Variants in RYK observed in about 807,000 individuals in gnomAD.
RYK encodes receptor like tyrosine kinase.
Under a neutral mutation model 70.2 loss-of-function variants are expected in RYK, and 21 were observed. The observed-to-expected ratio is 0.30, with a 90% CI of 0.21 to 0.43. The LOEUF is 0.43. Among genes scored for constraint, RYK ranks in the 20% least tolerant of loss-of-function variants. The pLI, the probability that RYK is intolerant of heterozygous loss-of-function variation, is 1.00. For missense variants in RYK, 604 were observed against 753.3 expected (o/e 0.80, Z 2.32); for synonymous variants, 267 against 278.0 (o/e 0.96, Z 0.39).
At chr3:134,231,296 G>A (rs1036767836) in intron 1 of RYK, among the ~76,000 whole-genome samples, 1 of 151,740 alleles carries the variant, frequency 6.6e-6, no homozygotes, top group African/African-American at 2.4e-5. Flanking sequence ...TATCTTATCT[G>A]TCAAGGAGAC....
intron 5 of RYK, among the ~76,000 whole-genome samples, chr3:134,205,447 T>G (rs2014186616): frequency 6.6e-6 from 1 of 152,192 alleles, no homozygotes; most frequent in Admixed American, 6.5e-5. Context: ...ATGACTTTCA[T>G]CAAGAATTAC....
chr3:134,163,255 A>G (rs2012539313), intron 13 of RYK, among the ~76,000 whole-genome samples: 1 of 152,244 alleles, frequency 6.6e-6, no homozygotes, highest in Non-Finnish European at 1.5e-5. Context: ...CCTTAAAAAA[A>G]TAATCAAGAC....
chr3:134,195,086 G>A lies in RYK; in HGVS notation c.885C>T (p.Ile295=), dbSNP rs2013770170. The A allele has an allele frequency of 6.2e-7, 1 of 1,603,274 alleles. No individual in the cohort carries two copies. Among genetic ancestry groups the A allele is most frequent in the Non-Finnish European group, 8.5e-7 (1 of 1,170,332 alleles). Residue 295 remains isoleucine, a synonymous_variant, in exon 7 of 15, where the codon ATC becomes ATT. Coordinates refer to ENST00000623711, the MANE Select transcript of RYK (RefSeq NM_002958.4). ...TAGAATTAAATTAACTCTTACTGGTGATAGGAGTTGCATTGTTGGGCGTGT... is the reference window on the plus strand; with the variant it reads ...TAGAATTAAATTAACTCTTACTGGTAATAGGAGTTGCATTGTTGGGCGTGT... ...RADTPNNATP[I]TSYPTLRIEK...
At chr3:134,249,806 T>C (rs1406195747) in intron 1 of RYK, among the ~76,000 whole-genome samples, 1 of 151,962 alleles carries the variant, frequency 6.6e-6, no homozygotes, top group Non-Finnish European at 1.5e-5. Context: ...TGGCGATTCA[T>C]TCACTAAAAA....
At chr3:134,175,574 C>A in intron 13 of RYK, 35 bp downstream of exon 13, 1 of 1,589,346 alleles carries the variant, frequency 6.3e-7, no homozygotes, top group East Asian at 2.2e-5. Context: ...AGCTGTTTCT[C>A]TATTCTTTTG....
intron 4 of RYK, among the ~76,000 whole-genome samples, chr3:134,209,117 C>G (rs758619413): frequency 6.6e-6 from 1 of 152,112 alleles, no homozygotes; most frequent in Non-Finnish European, 1.5e-5. Context: ...ACAGATAATT[C>G]AAAACCAAAA....
At chr3:134,233,287 T>C (rs1205249925) in intron 1 of RYK, among the ~76,000 whole-genome samples, 5 of 152,240 alleles carry the variant, frequency 3.3e-5, no homozygotes, top group Non-Finnish European at 5.9e-5. Flanking sequence ...ATAAATCCTG[T>C]TATTTTTAGT....
At chr3:134,208,821 C>T (rs2014298454) in intron 4 of RYK, among the ~76,000 whole-genome samples, 1 of 152,164 alleles carries the variant, frequency 6.6e-6, no homozygotes, top group African/African-American at 2.4e-5. Context: ...AATGAGAGAA[C>T]CCATTGCCTA....
At chr3:134,250,237 A>C (rs1041912237) in intron 1 of RYK, among the ~76,000 whole-genome samples, 186 bp downstream of exon 1, 1 of 151,776 alleles carries the variant, frequency 6.6e-6, no homozygotes, top group Non-Finnish European at 1.5e-5. Context: ...AGAGCTGGGG[A>C]CCGGGCAGGG....
chr3:134,167,935 AC>A (rs1252086819), intron 13 of RYK, among the ~76,000 whole-genome samples: 1 of 152,214 alleles, frequency 6.6e-6, no homozygotes, highest in African/African-American at 2.4e-5. Context: ...CAAGAAAAAA[AC>A]AACCCCATCA....
At chr3:134,232,634 G>A (rs983653890) in intron 1 of RYK, among the ~76,000 whole-genome samples, 2 of 152,162 alleles carry the variant, frequency 1.3e-5, no homozygotes, top group South Asian at 2.1e-4. Context: ...CACTTGTTTT[G>A]AAACAGATAC....
intron 13 of RYK, 120 bp downstream of exon 13, chr3:134,175,488 TA>T: frequency 1.7e-6 from 2 of 1,198,904 alleles, no homozygotes; most frequent in African/African-American, 1.5e-5. Context: ...GCTTTCTGGA[TA>T]AAAATTTCCG....
At position 134,183,072 on chromosome 3, in the gene RYK, CTATA is replaced by C; in HGVS notation, c.1103-5_1103-2del. ...GTCACCTGAATTTCAGAAGCTTGAT[CTATA>C]TATAAAGAAAAGAAAATGTCTTGAA... On this transcript the variant is annotated splice_acceptor_variant and splice_polypyrimidine_tract_variant and intron_variant, in intron 9 of 14. Coordinates refer to ENST00000623711, the MANE Select transcript of RYK (RefSeq NM_002958.4). LOFTEE classifies it high-confidence loss of function. 1.3e-6 allele frequency: 2 copies of C among 1,561,736 alleles called. No homozygotes were observed. The highest frequency in any genetic ancestry group is 1.7e-6 in the Non-Finnish European group (2 of 1,148,904).
chr3:134,247,771 A>G (rs1448502817), intron 1 of RYK, among the ~76,000 whole-genome samples: 3 of 152,018 alleles, frequency 2.0e-5, no homozygotes, highest in Non-Finnish European at 4.4e-5. Flanking sequence ...AAAACAATTT[A>G]TTCTCATATC....
chr3:134,236,152 T>C (rs1452129683), intron 1 of RYK, among the ~76,000 whole-genome samples: 3 of 152,146 alleles, frequency 2.0e-5, no homozygotes, highest in Non-Finnish European at 4.4e-5. Flanking sequence ...GAGTATCATT[T>C]TGTAGAGGTC....
At chr3:134,167,585 A>G (rs1406627928) in intron 13 of RYK, among the ~76,000 whole-genome samples, 1 of 152,236 alleles carries the variant, frequency 6.6e-6, no homozygotes, top group African/African-American at 2.4e-5. Context: ...AGAAAGGTGA[A>G]ACTGGATCCC....
chr3:134,233,930 A>G lies in RYK; in HGVS notation c.233-11391T>C, dbSNP rs138548292. On this transcript the variant is annotated intron_variant, in intron 1 of 14. Transcript: ENST00000623711. ...AGAATAGTTCATGCATGTAACAGGT[A>G]TTCAATAAACATCCGGTGAATCAAA... is the stretch of plus-strand genomic sequence containing the variant. Among the ~76,000 whole-genome samples, 17 of 152,332 alleles carry G rather than the reference A, an allele frequency of 1.1e-4. 2 individuals carry two copies. The highest frequency in any genetic ancestry group is 4.1e-4 in the African/African-American group (17 of 41,584).
At chr3:134,236,009 G>A (rs553693464) in intron 1 of RYK, among the ~76,000 whole-genome samples, 2 of 151,686 alleles carry the variant, frequency 1.3e-5, no homozygotes, top group Non-Finnish European at 1.5e-5. Context: ...GCCTTATTTG[G>A]GAAAAAAAAG....
chr3:134,170,857 T>C (rs1560001149), intron 13 of RYK: 1 of 155,662 alleles, frequency 6.4e-6, no homozygotes, highest in East Asian at 1.8e-4. Context: ...CTATTGGAGA[T>C]GTGGCAAAAA....
Sources: allele counts gnomAD v4.1 joint callset (sites outside exome capture counted in the v4.1 genomes callset), GRCh38; gene constraint gnomAD v4.1.1; transcripts MANE v1.5; gene names NCBI Gene and HGNC (gene_info 2026-07-23, HGNC 2026-07-21).